Variants in CTBP2 observed in about 807,000 individuals in gnomAD.
CTBP2 encodes C-terminal-binding protein 2.
CTBP2 carries 30 observed loss-of-function variants against 80.3 expected under a neutral mutation model. The ratio of observed to expected loss-of-function variants is 0.37; its 90% CI spans 0.28 to 0.51. CTBP2 has a LOEUF of 0.51. Ranked by LOEUF, CTBP2 falls within the 20% of genes least tolerant of loss-of-function variation. CTBP2 has a pLI of 0.93. For synonymous variants in CTBP2, 594 were observed against 587.4 expected, an observed-to-expected ratio of 1.01 and a Z score of -0.16; for missense variants, 1,212 against 1,375.3, an observed-to-expected ratio of 0.88 and a Z score of 1.88.
chr10:124,998,292 G>A (rs567614111), intron 3 of CTBP2, 122 bp from the exon 6 acceptor site: 421 of 1,140,844 alleles, frequency 3.7e-4, no homozygotes, highest in Admixed American at 1.5e-3. Flanking sequence ...CCACCTTATC[G>A]TCTAGCAGAC....
At chr10:125,092,600 C>T (rs1311793995) in intron 2 of CTBP2, among the ~76,000 whole-genome samples, 1 of 152,234 alleles carries the variant, frequency 6.6e-6, no homozygotes, top group Admixed American at 6.5e-5. Flanking sequence ...GACAGACACA[C>T]ACACGGGCAT....
chr10:125,063,290 A>G (rs1844103327), intron 2 of CTBP2, among the ~76,000 whole-genome samples: 1 of 152,194 alleles, frequency 6.6e-6, no homozygotes, highest in African/African-American at 2.4e-5. Context: ...TCTGGTGGGG[A>G]AAAACATCAT....
chr10:125,001,448 A>C (rs1268688355), intron 3 of CTBP2: 4 of 152,214 alleles, frequency 2.6e-5, no homozygotes, highest in African/African-American at 9.7e-5. Context: ...TGTGCCAGGG[A>C]AAGATGGAAA....
rs1957688216 is a variant in CTBP2, at chr10:125,027,054, G to A, written c.706C>T (p.Pro236Ser). The change falls in exon 1 of 9, where the codon CCC becomes TCC. Residue 236 changes from proline to serine, a missense_variant. Pro to Ser is a moderately conservative substitution (Grantham distance 74). Coordinates refer to ENST00000309035, the MANE Select transcript of CTBP2 (RefSeq NM_022802.3). The stretch of plus-strand genomic sequence containing the variant: ...CCTTCGGGGGCAGCAGCTGAACTGG[G>A]GTCCACAACCAGGCACGTCGGGGCC... The A allele has an allele frequency of 6.2e-7, 1 of 1,613,302 alleles. No homozygotes were observed. Among genetic ancestry groups the A allele is most frequent in the Non-Finnish European group, 8.5e-7 (1 of 1,179,582 alleles).
At chr10:125,077,012 C>A (rs544213667) in intron 2 of CTBP2, among the ~76,000 whole-genome samples, 1 of 152,176 alleles carries the variant, frequency 6.6e-6, no homozygotes, top group East Asian at 1.9e-4. Context: ...CTGTAGCGAA[C>A]GCACAGGTCA....
upstream of CTBP2, among the ~76,000 whole-genome samples, chr10:125,162,191 G>A (rs747814540): frequency 6.6e-6 from 1 of 152,196 alleles, no homozygotes; most frequent in Non-Finnish European, 1.5e-5. Flanking sequence ...TTGAGATGTC[G>A]AGCAGGAAAG....
intron 8 of CTBP2, among the ~76,000 whole-genome samples, 176 bp from the exon 11 acceptor site, chr10:124,989,874 C>T (rs1235835121): frequency 6.6e-6 from 1 of 152,048 alleles, no homozygotes; most frequent in African/African-American, 2.4e-5. Flanking sequence ...GTAGTGGCGA[C>T]CACAGGCATG....
rs1336863322 is a variant in CTBP2 at position 125,026,827 on chromosome 10, C to T, written c.933G>A (p.Leu311=). ...CGGCCGGGGAGTCAAAGCCCTGCTG[C>T]AGTAGGGCTCCCAGCGTGGCCTCTG... Residue 311 remains leucine (L), a synonymous_variant, in exon 1 of 9, where the codon CTG becomes CTA. Transcript: ENST00000309035. 3 of 1,613,522 alleles carry T rather than the reference C, an allele frequency of 1.9e-6. No homozygotes were observed. The highest frequency in any genetic ancestry group is 1.7e-6 in the Non-Finnish European group (2 of 1,179,996).
chr10:124,993,715 G>A (rs1953039172), intron 6 of CTBP2, 140 bp downstream of exon 8: 1 of 1,108,088 alleles, frequency 9.0e-7, no homozygotes, highest in Non-Finnish European at 1.3e-6. Flanking sequence ...ATCCTTAGAA[G>A]AACAGAGACT....
chr10:125,021,027 G>A (rs931889539), intron 1 of CTBP2, among the ~76,000 whole-genome samples: 2 of 152,166 alleles, frequency 1.3e-5, no homozygotes, highest in Non-Finnish European at 2.9e-5. Context: ...GTCCCGGCAT[G>A]GCTCACCCCA....
chr10:125,046,477 G>A lies in CTBP2; in HGVS notation c.-101-7322C>T, dbSNP rs147151723. 1.5e-3 allele frequency among the ~76,000 whole-genome samples: 217 copies of A among 146,544 alleles called. 1 individual carries two copies. The highest frequency in any genetic ancestry group is 4.8e-3 in the African/African-American group (187 of 39,274). On this transcript the variant is annotated intron_variant, in intron 2 of 10. Coordinates refer to the CTBP2 transcript ENST00000337195. ...CGCTTGAACCCAGGAAGTGTAGGTTGTAGTCAGCTGAGATCCCGCCACTGC... is the reference window on the plus strand; with the variant it reads ...CGCTTGAACCCAGGAAGTGTAGGTTATAGTCAGCTGAGATCCCGCCACTGC...
intron 1 of CTBP2, among the ~76,000 whole-genome samples, chr10:125,014,569 T>C (rs1281759412): frequency 1.3e-5 from 2 of 152,248 alleles, no homozygotes; most frequent in African/African-American, 4.8e-5. Context: ...AGGTTGACCT[T>C]CCTTACGGGG....
intron 2 of CTBP2, among the ~76,000 whole-genome samples, chr10:125,087,511 C>A (rs910520969): frequency 1.3e-5 from 2 of 152,170 alleles, no homozygotes; most frequent in Non-Finnish European, 2.9e-5. Flanking sequence ...TCCCCCAGTC[C>A]CCCTGAAGGG....
At chr10:125,153,192 G>A (rs1239067312) in intron 1 of CTBP2, among the ~76,000 whole-genome samples, 1 of 152,214 alleles carries the variant, frequency 6.6e-6, no homozygotes, top group Non-Finnish European at 1.5e-5. Context: ...TCCACTCCAG[G>A]CTGAACATTC....
intron 2 of CTBP2, among the ~76,000 whole-genome samples, chr10:125,092,176 C>CTTT (rs71029238): frequency 0.028 from 2,422 of 87,048 alleles, 76 homozygotes; most frequent in Non-Finnish European, 0.039. Flanking sequence ...TCTGAAGATT[C>CTTT]TTTTTTTTTT....
At chr10:125,052,133 C>A (rs534114658) in intron 2 of CTBP2, among the ~76,000 whole-genome samples, 1 of 152,360 alleles carries the variant, frequency 6.6e-6, no homozygotes, top group African/African-American at 2.4e-5. Flanking sequence ...GGGGTCTGCG[C>A]TGCTGAGACC....
chr10:125,127,535 T>C (rs1855480476), intron 1 of CTBP2, among the ~76,000 whole-genome samples: 1 of 152,196 alleles, frequency 6.6e-6, no homozygotes, highest in Admixed American at 6.5e-5. Context: ...GGTGAGGTAT[T>C]GTAAATTTGA....
At chr10:125,086,613 TAAAA>T (rs66522424) in intron 2 of CTBP2, among the ~76,000 whole-genome samples, 1 of 116,434 alleles carries the variant, frequency 8.6e-6, no homozygotes, top group African/African-American at 3.3e-5. Flanking sequence ...AAATTTTATT[TAAAA>T]AAAAAAAAAA....
intron 3 of CTBP2, among the ~76,000 whole-genome samples, chr10:125,034,588 A>G (rs977696346): frequency 1.3e-5 from 2 of 152,248 alleles, no homozygotes; most frequent in African/African-American, 4.8e-5. Flanking sequence ...TTTAAAATCC[A>G]CATTTTGGGG....
Sources: gnomAD v4.1 joint callset for allele counts (sites outside exome capture counted in the v4.1 genomes callset) on GRCh38, gnomAD v4.1.1 for gene constraint, MANE v1.5 for transcripts, NCBI Gene and HGNC (gene_info 2026-07-23, HGNC 2026-07-21) for gene names.